ABCC4: variants seen among roughly 807,000 people sequenced by gnomAD.
The protein encoded by ABCC4 is ATP binding cassette subfamily C member 4 (PEL blood group).
Under a neutral mutation model 168.5 loss-of-function variants are expected in ABCC4, and 102 were observed. The observed-to-expected ratio is 0.61, with a 90% CI of 0.52 to 0.71. ABCC4 has a LOEUF of 0.71. Ranked by LOEUF, ABCC4 falls within the 30% of genes least tolerant of loss-of-function variation. The pLI, the probability that ABCC4 is intolerant of heterozygous loss-of-function variation, is 0.00. For missense variants in ABCC4, 1,402 were observed against 1,605.8 expected, an observed-to-expected ratio of 0.87 and a Z score of 2.17; for synonymous variants, 617 against 590.7, an observed-to-expected ratio of 1.04 and a Z score of -0.65.
chr13:95,287,202 G>C (rs957441484), intron 1 of ABCC4, among the ~76,000 whole-genome samples: 1 of 151,890 alleles, frequency 6.6e-6, no homozygotes, highest in African/African-American at 2.4e-5. Flanking sequence ...GGAGGCTGAG[G>C]CATGAGAATC....
At chr13:95,226,228 C>T (rs560431223) in intron 4 of ABCC4, among the ~76,000 whole-genome samples, 1 of 151,722 alleles carries the variant, frequency 6.6e-6, no homozygotes, top group South Asian at 2.1e-4. Context: ...TCCTGTAAAA[C>T]TTGAAAAGCT....
chr13:95,177,670 G>A (rs2037751120), intron 13 of ABCC4, 37 bp downstream of exon 13: 1 of 1,571,106 alleles, frequency 6.4e-7, no homozygotes, highest in Non-Finnish European at 8.7e-7. Flanking sequence ...AATGGCTCTG[G>A]AAAAGCAGAA....
chr13:95,061,594 TTG>T (rs57517042), intron 26 of ABCC4, among the ~76,000 whole-genome samples: 5,644 of 133,780 alleles, frequency 0.042, 268 homozygotes, highest in African/African-American at 0.12. Flanking sequence ...GAATATGTGT[TTG>T]TGTGTGTGTG....
intron 19 of ABCC4, among the ~76,000 whole-genome samples, chr13:95,159,398 T>C (rs115360877): frequency 0.029 from 4,340 of 152,040 alleles, 182 homozygotes; most frequent in African/African-American, 0.094. Flanking sequence ...AATAAAGTCA[T>C]GCTAATAGAT....
intron 21 of ABCC4, among the ~76,000 whole-genome samples, chr13:95,079,249 T>A (rs747492353): frequency 4.6e-5 from 7 of 152,098 alleles, no homozygotes; most frequent in Non-Finnish European, 1.0e-4. Flanking sequence ...TTTGACAAGA[T>A]CAATAGCTGT....
At chr13:95,226,630 T>C (rs1290798999) in intron 4 of ABCC4, among the ~76,000 whole-genome samples, 1 of 152,200 alleles carries the variant, frequency 6.6e-6, no homozygotes, top group East Asian at 1.9e-4. Flanking sequence ...CTGACTGCTC[T>C]GAGTCCATGA....
chr13:95,278,805 G>A (rs1379040935), intron 1 of ABCC4, among the ~76,000 whole-genome samples: 2 of 37,442 alleles, frequency 5.3e-5, no homozygotes, highest in East Asian at 7.5e-4. Flanking sequence ...ACCCTGTCTC[G>A]GAAAAAAAAA....
chr13:95,174,932 T>C (rs747586911), intron 13 of ABCC4, among the ~76,000 whole-genome samples: 7 of 152,148 alleles, frequency 4.6e-5, no homozygotes, highest in Non-Finnish European at 7.3e-5. Context: ...TGTGGAAAAA[T>C]AGACAAGACA....
rs779206594 is a variant in ABCC4 at position 95,074,322 on chromosome 13, C to T, written c.2809G>A (p.Ala937Thr). 3.7e-6 allele frequency: 6 copies of T among 1,609,684 alleles called. No individual in the cohort carries two copies. The highest frequency in any genetic ancestry group is 4.2e-6 in the Non-Finnish European group (5 of 1,177,496). Residue 937 changes from alanine (A) to threonine (T), a missense_variant and splice_region_variant, in exon 23 of 31, where the codon GCT becomes ACT. This residue lies in a region of ABCC4 where 1,007 missense variants were observed against 1,127.3 expected (regional missense o/e 0.89). Transcript: ENST00000645237. ...GACGTTGTCAAAAACAAGAACCAAGCCTCTGAATTTGAGAACGGTAATAAG... is the reference window on the plus strand; with the variant it reads ...GACGTTGTCAAAAACAAGAACCAAGTCTCTGAATTTGAGAACGGTAATAAG... ...FDAHQDLHSEAWFLFLTTSRW... is the reference protein window; with the variant it reads ...FDAHQDLHSETWFLFLTTSRW...
intron 25 of ABCC4, 53 bp from the exon 26 acceptor site, chr13:95,062,912 G>T: frequency 6.4e-7 from 1 of 1,551,238 alleles, no homozygotes; most frequent in East Asian, 2.2e-5. Flanking sequence ...AAAATCACAG[G>T]ATGCAGCAAA....
chr13:95,176,303 T>C lies in ABCC4; in HGVS notation c.1727+1404A>G, dbSNP rs545489978. ...CCTGGGCAACATAGGGAGACCAGCC[T>C]AGACAACATGGCAAAGCCCCCTCTC... On this transcript the variant is annotated intron_variant, in intron 13 of 30. Transcript: ENST00000645237. Among the ~76,000 whole-genome samples the C allele has an allele frequency of 1.9e-4, 23 of 122,584 alleles. No individual in the cohort carries two copies. The South Asian group carries it at 4.8e-3, about 26-fold the overall frequency. 80.4% of individuals were successfully genotyped at this position (122,584 alleles called of 152,430 possible). A position where few individuals can be genotyped will look rare whatever the true frequency, so the allele number is the denominator to read the frequency against.
intron 9 of ABCC4, among the ~76,000 whole-genome samples, chr13:95,193,353 T>G (rs2038317963): frequency 6.6e-6 from 1 of 152,104 alleles, no homozygotes; most frequent in Non-Finnish European, 1.5e-5. Flanking sequence ...GCCTGAGCTG[T>G]TCCAGTACCC....
intron 19 of ABCC4, among the ~76,000 whole-genome samples, chr13:95,125,072 T>C (rs1481620320): frequency 1.3e-5 from 2 of 152,094 alleles, no homozygotes; most frequent in Admixed American, 6.6e-5. Context: ...ATGACACAGA[T>C]ACTGTTCCCA....
At chr13:95,139,065 G>A (rs982052933) in intron 19 of ABCC4, among the ~76,000 whole-genome samples, 13 of 152,256 alleles carry the variant, frequency 8.5e-5, no homozygotes, top group Non-Finnish European at 1.8e-4. Flanking sequence ...CCCAAGCCCA[G>A]CCCTCTGCTG....
chr13:95,122,620 CA>C (rs951884587), intron 19 of ABCC4, among the ~76,000 whole-genome samples: 7 of 152,172 alleles, frequency 4.6e-5, no homozygotes, highest in African/African-American at 1.7e-4. Context: ...CTGTTCCCAT[CA>C]GGGGGCCTTC....
chr13:95,020,398 G>A lies in ABCC4; in HGVS notation c.*1177C>T, dbSNP rs1225497163. On this transcript the variant is annotated 3_prime_UTR_variant, in exon 31 of 31. Transcript: ENST00000645237. ...AGTAAACTGAACTCAACATATTACA[G>A]CCACCATCATCAGGAAAAATTAAAG... 1 of 152,392 alleles carries A rather than the reference G, an allele frequency of 6.6e-6. No homozygotes were observed. The highest frequency in any genetic ancestry group is 1.5e-5 in the Non-Finnish European group (1 of 68,018). 9.4% of individuals were successfully genotyped at this position (152,392 alleles called of 1,614,324 possible).
intron 29 of ABCC4, chr13:95,043,387 A>C (rs1019189414): frequency 6.6e-6 from 2 of 304,438 alleles, no homozygotes; most frequent in African/African-American, 4.2e-5. Context: ...TCTATTGGAT[A>C]CTACTCCGTA....
chr13:95,185,441 A>G (rs975314031), intron 11 of ABCC4, among the ~76,000 whole-genome samples: 4 of 152,270 alleles, frequency 2.6e-5, no homozygotes, highest in Non-Finnish European at 5.9e-5. Flanking sequence ...TAAACAAGCA[A>G]TGATTTCTCT....
At chr13:95,166,060 G>C in intron 15 of ABCC4, 98 bp downstream of exon 15, 2 of 1,169,276 alleles carry the variant, frequency 1.7e-6, no homozygotes, top group Middle Eastern at 5.4e-4. Flanking sequence ...ATCCACTTTG[G>C]GACAAAAGAT....
Sources: gnomAD v4.1 joint callset for allele counts (sites outside exome capture counted in the v4.1 genomes callset) on GRCh38, gnomAD v4.1.1 for gene constraint, gnomAD v4.1.1 regional missense constraint, MANE v1.5 for transcripts, NCBI Gene and HGNC (gene_info 2026-07-23, HGNC 2026-07-21) for gene names.